SEC14L2: variants seen among roughly 807,000 people sequenced by gnomAD.
SEC14L2 encodes SEC14-like protein 2.
A neutral mutation model predicts 56.9 loss-of-function variants in SEC14L2; 50 were observed. The observed-to-expected ratio is 0.88, with a 90% CI of 0.70 to 1.11. SEC14L2 has a LOEUF of 1.11. Among genes scored for constraint, SEC14L2 ranks in the 50% most tolerant of loss-of-function variants. The pLI is 0.00. For synonymous variants in SEC14L2, 179 were observed against 188.5 expected, an observed-to-expected ratio of 0.95 and a Z score of 0.41; for missense variants, 414 against 500.7, an observed-to-expected ratio of 0.83 and a Z score of 1.65.
chr22:30,413,123 C>T (rs1173593349), intron 8 of SEC14L2, among the ~76,000 whole-genome samples: 1 of 152,194 alleles, frequency 6.6e-6, no homozygotes, highest in African/African-American at 2.4e-5. Flanking sequence ...ACAGCAGCAG[C>T]TAAAACCTTG....
rs1569208972 is a variant in SEC14L2 at position 30,410,669 on chromosome 22, G to A, written c.654G>A (p.Met218Ile). ...FLSEDTRKKI[M>I]VLGANWKEVL... is the part of the protein sequence containing the mutation. The stretch of plus-strand genomic sequence containing the variant: ...GTGAGGACACTCGTAAGAAGATCAT[G>A]GTCCTGGGAGGTAAGTGGTCCAGAC... The change falls in exon 8 of 12, where the codon ATG (methionine) becomes ATA (isoleucine). Residue 218 changes from methionine (M) to isoleucine (I), a missense_variant. Coordinates refer to ENST00000615189, the MANE Select transcript of SEC14L2 (RefSeq NM_012429.5). 6 of 1,613,916 alleles carry A rather than the reference G, an allele frequency of 3.7e-6. No individual in the cohort carries two copies. Among genetic ancestry groups the A allele is most frequent in the Non-Finnish European group, 5.1e-6 (6 of 1,179,870 alleles).
At chr22:30,405,618 A>G (rs1283151739) in intron 2 of SEC14L2, among the ~76,000 whole-genome samples, 1 of 152,110 alleles carries the variant, frequency 6.6e-6, no homozygotes, top group African/African-American at 2.4e-5. Context: ...CAACCCCTCT[A>G]TCCCACTGGG....
intron 2 of SEC14L2, among the ~76,000 whole-genome samples, chr22:30,403,297 C>T (rs1247339370): frequency 6.6e-6 from 1 of 152,184 alleles, no homozygotes; most frequent in East Asian, 1.9e-4. Flanking sequence ...TCCTCTGCTT[C>T]CCCCTGACTG....
intron 11 of SEC14L2, chr22:30,420,362 A>G (rs926588959): frequency 3.3e-5 from 5 of 152,222 alleles, no homozygotes; most frequent in African/African-American, 1.2e-4. Flanking sequence ...ATTAGTGTCA[A>G]AATGAACCAT....
chr22:30,401,783 T>C (rs927703028), intron 2 of SEC14L2, among the ~76,000 whole-genome samples: 1 of 151,740 alleles, frequency 6.6e-6, no homozygotes, highest in African/African-American at 2.4e-5. Flanking sequence ...GGCCTATTTT[T>C]ACTTTTGAAA....
intron 2 of SEC14L2, among the ~76,000 whole-genome samples, chr22:30,405,996 G>GGCCAAA (rs534535778): frequency 3.9e-4 from 59 of 152,250 alleles, no homozygotes; most frequent in African/African-American, 1.4e-3. Context: ...CAAGGGGGAA[G>GGCCAAA]GCCAAATGAT....
chr22:30,422,101 C>G (rs556630752), intron 11 of SEC14L2, among the ~76,000 whole-genome samples, 176 bp from the exon 12 acceptor site: 3 of 152,306 alleles, frequency 2.0e-5, no homozygotes, highest in Non-Finnish European at 4.4e-5. Context: ...CCATGAATGT[C>G]TTGTCAACCC....
At chr22:30,401,756 C>T (rs1349862376) in intron 2 of SEC14L2, among the ~76,000 whole-genome samples, 1 of 151,160 alleles carries the variant, frequency 6.6e-6, no homozygotes, top group Admixed American at 6.6e-5. Context: ...TTCCTGACCT[C>T]ATGATCCATC....
chr22:30,405,865 GTT>G (rs1226730985), intron 2 of SEC14L2, among the ~76,000 whole-genome samples: 2 of 151,930 alleles, frequency 1.3e-5, no homozygotes, highest in African/African-American at 4.8e-5. Context: ...GTTTTGTTTT[GTT>G]TTGTTTTTTT....
At chr22:30,417,223 G>A (rs189550406) in intron 11 of SEC14L2, among the ~76,000 whole-genome samples, 331 of 152,342 alleles carry the variant, frequency 2.2e-3, no homozygotes, top group African/African-American at 7.7e-3. Context: ...TTAAGGAAGT[G>A]TGTACACAGA....
chr22:30,400,117 C>T (rs1446647240), intron 2 of SEC14L2: 2 of 178,150 alleles, frequency 1.1e-5, no homozygotes, highest in Non-Finnish European at 2.4e-5. Context: ...AACCAGAGTC[C>T]TGGCCCCTGC....
chr22:30,403,056 G>A (rs1250806341), intron 2 of SEC14L2, among the ~76,000 whole-genome samples: 3 of 152,284 alleles, frequency 2.0e-5, no homozygotes, highest in African/African-American at 7.2e-5. Context: ...CAACCTGGGC[G>A]ACAGAGCAAG....
At chr22:30,411,703 C>T (rs920186264) in intron 8 of SEC14L2, among the ~76,000 whole-genome samples, 12 of 137,828 alleles carry the variant, frequency 8.7e-5, no homozygotes, top group Non-Finnish European at 9.2e-5. Context: ...GCCGAGATTG[C>T]ACCACTGCAC....
intron 1 of SEC14L2, among the ~76,000 whole-genome samples, chr22:30,398,341 C>T (rs1363605564): frequency 2.0e-5 from 3 of 152,140 alleles, no homozygotes; most frequent in Non-Finnish European, 4.4e-5. Flanking sequence ...CTGGGAGCTG[C>T]TTTGTGGGGT....
chr22:30,417,444 T>G (rs1424435504), intron 11 of SEC14L2, among the ~76,000 whole-genome samples: 1 of 152,164 alleles, frequency 6.6e-6, no homozygotes, highest in Non-Finnish European at 1.5e-5. Context: ...TCAGAGCCAA[T>G]GGAAAATCAA....
intron 1 of SEC14L2, 39 bp downstream of exon 1, chr22:30,397,209 G>T: frequency 2.0e-6 from 3 of 1,475,848 alleles, no homozygotes; most frequent in Non-Finnish European, 2.7e-6. Flanking sequence ...GCCTCGGGCT[G>T]TGGCCCTCGC....
At position 30,397,094 on chromosome 22, in the gene SEC14L2, C is replaced by T; in HGVS notation, c.-23C>T. 1 of 1,547,704 alleles carries T rather than the reference C, an allele frequency of 6.5e-7. No individual in the cohort carries two copies. Among genetic ancestry groups the T allele is most frequent in the Non-Finnish European group, 8.7e-7 (1 of 1,145,658 alleles). ...CACCCGCCGCCTCCCGCCCCCAAAC[C>T]CCATCCCCGCGGTTGAGCCACGATG... On this transcript the variant is annotated 5_prime_UTR_variant, in exon 1 of 12. Transcript: ENST00000615189.
At chr22:30,398,877 T>A (rs990958873) in intron 1 of SEC14L2, 1 of 452,492 alleles carries the variant, frequency 2.2e-6, no homozygotes, top group Admixed American at 2.4e-5. Context: ...TTACTTAGCC[T>A]CTCTGAGCTT....
chr22:30,411,827 G>A (rs1002218099), intron 8 of SEC14L2, among the ~76,000 whole-genome samples: 21 of 149,692 alleles, frequency 1.4e-4, no homozygotes, highest in Admixed American at 2.0e-4. Context: ...TCAGTATGCT[G>A]TGGTAAATGT....
Sources: allele counts gnomAD v4.1 joint callset (sites outside exome capture counted in the v4.1 genomes callset), GRCh38; gene constraint gnomAD v4.1.1; transcripts MANE v1.5; gene names NCBI Gene and HGNC (gene_info 2026-07-23, HGNC 2026-07-21).